RPTOR: variants seen among roughly 807,000 people sequenced by gnomAD.
The protein encoded by RPTOR is regulatory-associated protein of mTOR.
Under a neutral mutation model 169.9 loss-of-function variants are expected in RPTOR, and 21 were observed. The ratio of observed to expected loss-of-function variants is 0.12; its 90% CI spans 0.09 to 0.18. RPTOR has a LOEUF of 0.18. RPTOR is among the 10% of genes least tolerant of loss of function. The pLI is 1.00. For synonymous variants in RPTOR, 732 were observed against 753.2 expected, an observed-to-expected ratio of 0.97 and a Z score of 0.46; for missense variants, 1,133 against 1,855.9, an observed-to-expected ratio of 0.61 and a Z score of 7.16.
intron 2 of RPTOR, among the ~76,000 whole-genome samples, chr17:80,630,673 TTTGA>T (rs2065435154): frequency 6.6e-6 from 1 of 152,216 alleles, no homozygotes; most frequent in Admixed American, 6.5e-5. Flanking sequence ...TGGGTTTGTG[TTTGA>T]TTGAATTGCT....
chr17:80,963,308 T>C (rs1260082235), intron 33 of RPTOR, among the ~76,000 whole-genome samples: 1 of 151,984 alleles, frequency 6.6e-6, no homozygotes, highest in African/African-American at 2.4e-5. Flanking sequence ...GGGGCAAAGC[T>C]CCTGCCCTCA....
intron 6 of RPTOR, among the ~76,000 whole-genome samples, chr17:80,769,164 C>T (rs573359396): frequency 1.3e-4 from 20 of 152,268 alleles, no homozygotes; most frequent in East Asian, 3.9e-4. Flanking sequence ...TGGTGTCCCA[C>T]GCCAGAACCA....
At chr17:80,627,315 C>T (rs1393215464) in intron 2 of RPTOR, among the ~76,000 whole-genome samples, 4 of 152,162 alleles carry the variant, frequency 2.6e-5, no homozygotes, top group East Asian at 1.9e-4. Flanking sequence ...ACACCATGCC[C>T]GGCCAAGATA....
chr17:80,835,714 C>G (rs938173929), intron 9 of RPTOR, among the ~76,000 whole-genome samples: 3 of 152,200 alleles, frequency 2.0e-5, no homozygotes, highest in Non-Finnish European at 4.4e-5. Flanking sequence ...GTATATGAAA[C>G]ATACATGGAG....
intron 9 of RPTOR, among the ~76,000 whole-genome samples, chr17:80,833,974 G>T (rs772396031): frequency 2.6e-5 from 4 of 152,274 alleles, no homozygotes; most frequent in African/African-American, 9.6e-5. Context: ...AGGTGACAGA[G>T]TGAGACTCCG....
At chr17:80,925,747 T>C (rs1262313841) in intron 24 of RPTOR, among the ~76,000 whole-genome samples, 1 of 152,184 alleles carries the variant, frequency 6.6e-6, no homozygotes, top group Non-Finnish European at 1.5e-5. Flanking sequence ...CCACAGGCCT[T>C]CCCACTCCCT....
intron 14 of RPTOR, 48 bp from the exon 15 acceptor site, chr17:80,883,371 A>T: frequency 6.5e-7 from 1 of 1,543,704 alleles, no homozygotes; most frequent in Non-Finnish European, 9.0e-7. Flanking sequence ...TTTGGGAATG[A>T]GAGTTTCCAC....
chr17:80,574,466 G>A (rs992957920), intron 1 of RPTOR, among the ~76,000 whole-genome samples: 2 of 151,334 alleles, frequency 1.3e-5, no homozygotes, highest in Admixed American at 6.6e-5. Flanking sequence ...GCGCCCGGCC[G>A]GTTTTTTTTT....
chr17:80,652,008 C>CA (rs34266102), intron 3 of RPTOR, among the ~76,000 whole-genome samples: 63,300 of 140,846 alleles, frequency 0.45, 14,854 homozygotes, highest in African/African-American at 0.63. Context: ...GACTCCGTCT[C>CA]AAAAAAAAAA....
intron 1 of RPTOR, among the ~76,000 whole-genome samples, chr17:80,621,479 G>A (rs1454459083): frequency 2.0e-5 from 3 of 152,226 alleles, no homozygotes; most frequent in African/African-American, 7.2e-5. Flanking sequence ...GTCGGCCTCT[G>A]CCGCCTCCCC....
intron 13 of RPTOR, among the ~76,000 whole-genome samples, chr17:80,879,686 C>G (rs2068163978): frequency 6.6e-6 from 1 of 152,218 alleles, no homozygotes; most frequent in African/African-American, 2.4e-5. Context: ...AGTAGGCCCT[C>G]ACGACTGTGC....
At chr17:80,944,373 A>C (rs140332200) in intron 25 of RPTOR, among the ~76,000 whole-genome samples, 1 of 152,222 alleles carries the variant, frequency 6.6e-6, no homozygotes, top group Non-Finnish European at 1.5e-5. Flanking sequence ...CACTTTCTTC[A>C]TATAATCTGA....
At chr17:80,616,736 T>G (rs2065314150) in intron 1 of RPTOR, among the ~76,000 whole-genome samples, 1 of 151,694 alleles carries the variant, frequency 6.6e-6, no homozygotes, top group Non-Finnish European at 1.5e-5. Context: ...AGGCTTCACT[T>G]TGTATCTTGA....
intron 3 of RPTOR, among the ~76,000 whole-genome samples, chr17:80,682,792 CT>C (rs35739205): frequency 2.0e-5 from 3 of 151,186 alleles, no homozygotes; most frequent in South Asian, 2.1e-4. Context: ...AATTTGTTTC[CT>C]TTTTTTTTCT....
chr17:80,705,156 G>A (rs144422556), intron 3 of RPTOR, among the ~76,000 whole-genome samples: 5 of 152,390 alleles, frequency 3.3e-5, no homozygotes, highest in Non-Finnish European at 5.9e-5. Context: ...AGAGCCCCCT[G>A]TGCGTGTCAA....
intron 4 of RPTOR, among the ~76,000 whole-genome samples, chr17:80,720,434 C>T (rs776985737): frequency 1.3e-5 from 2 of 152,176 alleles, no homozygotes; most frequent in Non-Finnish European, 2.9e-5. Flanking sequence ...GAGAATCTAG[C>T]GGTGTCCAAG....
rs561769900 is a variant in RPTOR, at chr17:80,922,500, G to C, written c.2521-224G>C. On this transcript the variant is annotated intron_variant, in intron 21 of 33. Transcript: ENST00000306801. ...ATCCCGGCTCACACGGCCACGCCAG[G>C]GCTAGCCCAGTGGATGCATGTCCAA... Among the ~76,000 whole-genome samples the C allele has an allele frequency of 4.6e-5, 7 of 152,352 alleles. No individual in the cohort carries two copies. The South Asian group carries it at 1.5e-3, about 32-fold the overall frequency.
chr17:80,620,890 G>C (rs2065349364), intron 1 of RPTOR, among the ~76,000 whole-genome samples: 1 of 152,166 alleles, frequency 6.6e-6, no homozygotes, highest in Non-Finnish European at 1.5e-5. Flanking sequence ...GCCCAGTTTT[G>C]GAGTTAAATT....
Position 80,591,207 on chromosome 17 carries a change from CTCCCCTCTCCTCCCCTCT to C in RPTOR, c.163-34483_163-34466del, listed in dbSNP as rs2065104056. ...CTCTCCTCCCCTCTCCTCCCATCTC[CTCCCCTCTCCTCCCCTCT>C]CCTCCCCTCTCCTCCCCTCTCCTCC... On this transcript the variant is annotated intron_variant, in intron 1 of 33. Transcript: ENST00000306801. 3.0e-3 allele frequency among the ~76,000 whole-genome samples: 26 copies of C among 8,638 alleles called. 1 individual carries two copies. Among genetic ancestry groups the C allele is most frequent in the Non-Finnish European group, 4.4e-3 (20 of 4,540 alleles). 5.7% of individuals were successfully genotyped at this position (8,638 alleles called of 152,430 possible).
Sources: gnomAD v4.1 joint callset for allele counts (sites outside exome capture counted in the v4.1 genomes callset) on GRCh38, gnomAD v4.1.1 for gene constraint, MANE v1.5 for transcripts, NCBI Gene and HGNC (gene_info 2026-07-23, HGNC 2026-07-21) for gene names.